The following CPNE4 variants were observed in gnomAD, a reference collection of about 807,000 sequenced individuals.
CPNE4 encodes the protein copine-4.
A neutral mutation model predicts 67.9 loss-of-function variants in CPNE4; 25 were observed. The observed-to-expected ratio is 0.37, with a 90% CI of 0.27 to 0.51. The LOEUF (loss-of-function observed/expected upper bound fraction) is 0.51, where lower values mean the gene tolerates loss of function less well. Ranked by LOEUF, CPNE4 falls within the 20% of genes least tolerant of loss-of-function variation. The pLI, the probability that CPNE4 is intolerant of heterozygous loss-of-function variation, is 0.93. For synonymous variants in CPNE4, 242 were observed against 244.9 expected (o/e 0.99, Z 0.11); for missense variants, 464 against 690.8 (o/e 0.67, Z 3.68).
intron 1 of CPNE4, among the ~76,000 whole-genome samples, chr3:131,913,989 A>G (rs2089084703): frequency 6.6e-6 from 1 of 152,128 alleles, no homozygotes; most frequent in South Asian, 2.1e-4. Context: ...GTTGTTTTTT[A>G]ATTGGACCAC....
At chr3:131,690,574 A>G (rs1181630547) in intron 5 of CPNE4, among the ~76,000 whole-genome samples, 1 of 152,184 alleles carries the variant, frequency 6.6e-6, no homozygotes, top group African/African-American at 2.4e-5. Context: ...TAAGACCTCA[A>G]ATTATAGAAA....
At chr3:131,657,952 G>A (rs1353449185) in intron 7 of CPNE4, among the ~76,000 whole-genome samples, 7 of 152,016 alleles carry the variant, frequency 4.6e-5, no homozygotes, top group Admixed American at 4.6e-4. Flanking sequence ...CTGCTGACCA[G>A]AGTAAACACT....
intron 7 of CPNE4, among the ~76,000 whole-genome samples, chr3:131,611,524 G>T (rs1362926070): frequency 6.6e-6 from 1 of 152,054 alleles, no homozygotes; most frequent in Non-Finnish European, 1.5e-5. Context: ...ATAAGTGTTG[G>T]ACTTACTTAT....
chr3:131,557,949 A>T (rs1936553981), intron 11 of CPNE4, among the ~76,000 whole-genome samples: 1 of 151,858 alleles, frequency 6.6e-6, no homozygotes, highest in South Asian at 2.1e-4. Flanking sequence ...CCACACCCTT[A>T]TTTTCTTTTT....
chr3:131,799,903 C>CAT (rs1553773686), intron 2 of CPNE4, among the ~76,000 whole-genome samples: 1 of 136,082 alleles, frequency 7.3e-6, no homozygotes, highest in Non-Finnish European at 1.6e-5. Context: ...TTTGTTGGTG[C>CAT]GTGTGTGTGT....
chr3:131,807,168 GAA>G (rs2084348019), intron 2 of CPNE4, among the ~76,000 whole-genome samples: 1 of 152,160 alleles, frequency 6.6e-6, no homozygotes, highest in Admixed American at 6.5e-5. Flanking sequence ...CCTCTAGAGG[GAA>G]AAGAGTATGA....
At chr3:132,005,004 G>A (rs896611457) in intron 1 of CPNE4, among the ~76,000 whole-genome samples, 1 of 151,842 alleles carries the variant, frequency 6.6e-6, no homozygotes, top group African/African-American at 2.4e-5. Context: ...CTTATTAGTG[G>A]ACTACTGGGG....
At chr3:131,546,698 G>A (rs763543850) in intron 14 of CPNE4, among the ~76,000 whole-genome samples, 7 of 152,158 alleles carry the variant, frequency 4.6e-5, no homozygotes, top group Admixed American at 2.0e-4. Context: ...AACTCATGCT[G>A]TTCTATATCA....
chr3:131,955,416 T>TTTTTTC (rs1195078030), intron 1 of CPNE4, among the ~76,000 whole-genome samples: 3 of 124,370 alleles, frequency 2.4e-5, no homozygotes, highest in Non-Finnish European at 3.3e-5. Flanking sequence ...TAAGGTTTTT[T>TTTTTTC]TTTTTTTTTT....
chr3:131,592,700 G>T (rs1246533964), intron 7 of CPNE4, among the ~76,000 whole-genome samples: 1 of 151,876 alleles, frequency 6.6e-6, no homozygotes, highest in Non-Finnish European at 1.5e-5. Flanking sequence ...ATAGAAGCAG[G>T]AACTTAGAAT....
intron 3 of CPNE4, among the ~76,000 whole-genome samples, chr3:131,700,879 T>C (rs9289394): frequency 0.17 from 25,128 of 151,478 alleles, 2,271 homozygotes; most frequent in Middle Eastern, 0.29. Flanking sequence ...ATTAAGAAAA[T>C]GTGGCACATA....
intron 1 of CPNE4, among the ~76,000 whole-genome samples, chr3:131,911,229 C>T (rs968936571): frequency 1.3e-5 from 2 of 151,772 alleles, no homozygotes; most frequent in Non-Finnish European, 2.9e-5. Flanking sequence ...AACATTCATC[C>T]AATAGGCAGC....
chr3:131,661,956 C>A (rs951330136), intron 7 of CPNE4, among the ~76,000 whole-genome samples: 1 of 151,874 alleles, frequency 6.6e-6, no homozygotes, highest in Non-Finnish European at 1.5e-5. Flanking sequence ...TGATTAAAGC[C>A]CTTTCTATGG....
intron 2 of CPNE4, among the ~76,000 whole-genome samples, chr3:131,861,881 G>A (rs938397166): frequency 6.6e-6 from 1 of 152,152 alleles, no homozygotes; most frequent in African/African-American, 2.4e-5. Flanking sequence ...ATGCACAAAA[G>A]ATAAATAAAG....
At chr3:131,535,461 T>A in intron 15 of CPNE4, 132 bp from the exon 16 acceptor site, 1 of 836,238 alleles carries the variant, frequency 1.2e-6, no homozygotes, top group Non-Finnish European at 1.8e-6. Flanking sequence ...GTCAAGGGTC[T>A]ACTTCAAGCA....
intron 2 of CPNE4, among the ~76,000 whole-genome samples, chr3:131,873,117 T>C (rs909215204): frequency 1.6e-4 from 24 of 152,236 alleles, no homozygotes; most frequent in African/African-American, 5.1e-4. Context: ...TATCACACTA[T>C]GTCATCATTC....
At chr3:131,641,664 A>T (rs958113905) in intron 7 of CPNE4, among the ~76,000 whole-genome samples, 6 of 152,220 alleles carry the variant, frequency 3.9e-5, no homozygotes, top group African/African-American at 4.8e-5. Flanking sequence ...CTAGGTATTT[A>T]CCTAGAGGAA....
At chr3:131,806,419 G>A (rs954641903) in intron 2 of CPNE4, among the ~76,000 whole-genome samples, 1 of 151,416 alleles carries the variant, frequency 6.6e-6, no homozygotes, top group Non-Finnish European at 1.5e-5. Context: ...GCATAGTGGC[G>A]GGCGCCTGTA....
At chr3:131,608,657 A>G (rs1939647292) in intron 7 of CPNE4, among the ~76,000 whole-genome samples, 1 of 152,122 alleles carries the variant, frequency 6.6e-6, no homozygotes, top group Non-Finnish European at 1.5e-5. Flanking sequence ...AATAGTGGAG[A>G]ACTGAGAGGA....
Sources: gnomAD v4.1 joint callset for allele counts (sites outside exome capture counted in the v4.1 genomes callset) on GRCh38, gnomAD v4.1.1 for gene constraint, MANE v1.5 for transcripts, NCBI Gene and HGNC (gene_info 2026-07-23, HGNC 2026-07-21) for gene names.